The following CDH13 variants were observed in gnomAD, a reference collection of about 807,000 sequenced individuals.
CDH13 encodes cadherin 13.
A neutral mutation model predicts 63.8 loss-of-function variants in CDH13; 24 were observed. The ratio of observed to expected loss-of-function variants is 0.38; its 90% CI spans 0.27 to 0.53. The LOEUF (loss-of-function observed/expected upper bound fraction) is 0.53. Among genes scored for constraint, CDH13 ranks in the 20% least tolerant of loss-of-function variants. CDH13 has a pLI of 0.85. For synonymous variants in CDH13, 503 were observed against 355.3 expected, an observed-to-expected ratio of 1.42 and a Z score of -4.67; for missense variants, 1,049 against 903.1, an observed-to-expected ratio of 1.16 and a Z score of -2.07.
At position 83,617,762 on chromosome 16, in the gene CDH13, A is replaced by G. The variant is rs147355395; in HGVS notation, c.1101+15168A>G. ...AATATGCACATATCCTAATATGCATATATCTATTCTATTCTAATATGCACA... is the reference window on the plus strand; with the variant it reads ...AATATGCACATATCCTAATATGCATGTATCTATTCTATTCTAATATGCACA... On this transcript the variant is annotated intron_variant, in intron 8 of 13. Transcript: ENST00000567109. 6.2e-3 allele frequency among the ~76,000 whole-genome samples: 947 copies of G among 151,910 alleles called. 6 individuals carry two copies. The highest frequency in any genetic ancestry group is 0.021 in the African/African-American group (878 of 41,496).
chr16:82,942,212 G>A (rs1380672059), intron 2 of CDH13, among the ~76,000 whole-genome samples: 1 of 152,098 alleles, frequency 6.6e-6, no homozygotes, highest in African/African-American at 2.4e-5. Flanking sequence ...TTTTGTGTAT[G>A]GTGTGAGGTA....
At chr16:83,593,588 G>T (rs7192607) in intron 7 of CDH13, among the ~76,000 whole-genome samples, 1 of 150,532 alleles carries the variant, frequency 6.6e-6, no homozygotes, top group Non-Finnish European at 1.5e-5. Context: ...GTATATTTAT[G>T]TAATAGTGTA....
chr16:83,603,588 C>A (rs1382666273), intron 8 of CDH13, among the ~76,000 whole-genome samples: 1 of 152,152 alleles, frequency 6.6e-6, no homozygotes, highest in Non-Finnish European at 1.5e-5. Context: ...CATCTGCCAT[C>A]AATGCTTCCA....
intron 4 of CDH13, among the ~76,000 whole-genome samples, chr16:83,164,157 C>CCAG (rs68021405): frequency 0.15 from 22,131 of 152,062 alleles, 1,804 homozygotes; most frequent in Middle Eastern, 0.22. Context: ...TTGCTTAGTG[C>CCAG]CAGCTTCAGT....
chr16:82,665,732 C>G (rs1483175784), intron 1 of CDH13, among the ~76,000 whole-genome samples: 1 of 152,008 alleles, frequency 6.6e-6, no homozygotes, highest in East Asian at 1.9e-4. Context: ...GTAGCCAGCT[C>G]CTCTCTGAAC....
At chr16:83,536,514 G>T (rs2075192520) in intron 7 of CDH13, among the ~76,000 whole-genome samples, 1 of 152,172 alleles carries the variant, frequency 6.6e-6, no homozygotes, top group Non-Finnish European at 1.5e-5. Flanking sequence ...GAGTGTGGGT[G>T]TAGATAAGGC....
chr16:83,252,272 T>C (rs369090831), intron 5 of CDH13, among the ~76,000 whole-genome samples: 3 of 3,536 alleles, frequency 8.5e-4, no homozygotes, highest in East Asian at 0.5. Context: ...CTTTTTTTTC[T>C]TTTTTTTTTT....
chr16:83,793,508 G>A (rs1916408092), intron 13 of CDH13, among the ~76,000 whole-genome samples: 3 of 152,148 alleles, frequency 2.0e-5, no homozygotes, highest in African/African-American at 7.2e-5. Context: ...TTTTCTACAT[G>A]AGTGACGTTC....
chr16:83,437,727 G>T (rs934479029), intron 6 of CDH13, among the ~76,000 whole-genome samples: 1 of 151,942 alleles, frequency 6.6e-6, no homozygotes, highest in Non-Finnish European at 1.5e-5. Flanking sequence ...TGCAGCCAAA[G>T]TCAGAAAAAA....
intron 2 of CDH13, among the ~76,000 whole-genome samples, chr16:82,891,351 A>G (rs898862854): frequency 3.3e-5 from 5 of 152,162 alleles, no homozygotes; most frequent in African/African-American, 4.8e-5. Context: ...ACTGCATTTT[A>G]GGAGCTTTTA....
chr16:83,458,365 C>T (rs2073080375), intron 6 of CDH13, among the ~76,000 whole-genome samples: 1 of 152,172 alleles, frequency 6.6e-6, no homozygotes, highest in Non-Finnish European at 1.5e-5. Flanking sequence ...ATGAGCCTTC[C>T]ACCTCTCCTA....
chr16:83,016,212 G>A (rs570131008), intron 2 of CDH13, among the ~76,000 whole-genome samples: 35 of 152,138 alleles, frequency 2.3e-4, no homozygotes, highest in Non-Finnish European at 4.7e-4. Context: ...GAAAACCCAC[G>A]TATGCACACA....
intron 8 of CDH13, among the ~76,000 whole-genome samples, chr16:83,620,377 G>A (rs765469989): frequency 8.7e-5 from 11 of 126,720 alleles, no homozygotes; most frequent in Admixed American, 1.8e-4. Context: ...TCGACAGAGC[G>A]AGACTCCGTC....
At chr16:83,729,998 T>A (rs1910861355) in intron 10 of CDH13, among the ~76,000 whole-genome samples, 1 of 152,346 alleles carries the variant, frequency 6.6e-6, no homozygotes, top group Admixed American at 6.5e-5. Flanking sequence ...TGCCACATGT[T>A]TGCATGTGGA....
intron 1 of CDH13, among the ~76,000 whole-genome samples, chr16:82,668,467 T>C (rs554130492): frequency 2.0e-5 from 3 of 152,292 alleles, no homozygotes; most frequent in Non-Finnish European, 4.4e-5. Flanking sequence ...GGGACAGTTA[T>C]AATATTACCC....
intron 10 of CDH13, chr16:83,735,678 C>T (rs1911475411): frequency 6.6e-6 from 1 of 152,192 alleles, no homozygotes; most frequent in Non-Finnish European, 1.5e-5. Flanking sequence ...TAGAACCCTA[C>T]ATCTTTTGTG....
intron 3 of CDH13, among the ~76,000 whole-genome samples, chr16:83,053,986 A>G (rs2030660254): frequency 6.6e-6 from 1 of 152,198 alleles, no homozygotes; most frequent in South Asian, 2.1e-4. Flanking sequence ...CCATATTTTT[A>G]CTGTACTTTT....
rs187979079 is a variant in CDH13 at position 83,380,767 on chromosome 16, A to C, written c.781+35761A>C. Among the ~76,000 whole-genome samples, 192 of 151,634 alleles carry C rather than the reference A, an allele frequency of 1.3e-3. 1 individual carries two copies. In the Middle Eastern group the frequency reaches 0.018, roughly 14 times the overall value. On this transcript the variant is annotated intron_variant, in intron 6 of 13. Transcript: ENST00000567109. ...TACAGCTCATGGGCCAGAATTCATCACATGGCCATGTAACTGCAAGGGGGA... is the reference window on the plus strand; with the variant it reads ...TACAGCTCATGGGCCAGAATTCATCCCATGGCCATGTAACTGCAAGGGGGA...
chr16:83,472,045 C>T (rs1437400282), intron 6 of CDH13, among the ~76,000 whole-genome samples: 3 of 152,300 alleles, frequency 2.0e-5, no homozygotes, highest in East Asian at 1.9e-4. Context: ...ATGCCTCTCC[C>T]GTCTTTTGAT....
Sources: gnomAD v4.1 joint callset for allele counts (sites outside exome capture counted in the v4.1 genomes callset) on GRCh38, gnomAD v4.1.1 for gene constraint, MANE v1.5 for transcripts, NCBI Gene and HGNC (gene_info 2026-07-23, HGNC 2026-07-21) for gene names.